CDH12: variants seen among roughly 807,000 people sequenced by gnomAD.
The protein encoded by CDH12 is cadherin 12.
In CDH12, 41 loss-of-function variants were observed where a neutral mutation model predicts 74.1. That is an observed-to-expected ratio of 0.55 (90% confidence interval 0.43 to 0.72). The LOEUF is 0.72. Among genes scored for constraint, CDH12 ranks in the 30% least tolerant of loss-of-function variants. CDH12 has a pLI of 0.00. For synonymous variants in CDH12, 399 were observed against 355.0 expected, an observed-to-expected ratio of 1.12 and a Z score of -1.39; for missense variants, 945 against 977.2, an observed-to-expected ratio of 0.97 and a Z score of 0.44.
At chr5:22,655,312 C>A (rs541153532) in intron 1 of CDH12, among the ~76,000 whole-genome samples, 2 of 152,194 alleles carry the variant, frequency 1.3e-5, no homozygotes, top group Non-Finnish European at 2.9e-5. Flanking sequence ...TATGATCATT[C>A]TAAAAGGCAA....
intron 5 of CDH12, among the ~76,000 whole-genome samples, chr5:22,078,173 C>T (rs112133146): frequency 0.011 from 1,645 of 152,164 alleles, 31 homozygotes; most frequent in African/African-American, 0.038. Context: ...CATACTTTAA[C>T]TTCATGTCTT....
chr5:22,320,568 T>C (rs1280330027), intron 3 of CDH12, among the ~76,000 whole-genome samples: 2 of 152,156 alleles, frequency 1.3e-5, no homozygotes, highest in Non-Finnish European at 2.9e-5. Flanking sequence ...GGAATACAAA[T>C]AAACAAGTGA....
rs577228841 is a variant in CDH12, at chr5:22,008,166, C to T, written c.232-32781G>A. On this transcript the variant is annotated intron_variant, in intron 5 of 14. Coordinates refer to ENST00000382254, the MANE Select transcript of CDH12 (RefSeq NM_004061.5). ...GTTGTGAAATGATATTCCCTGCTTT[C>T]GGAATTATGAGGAGGAGATGAGTTA... is the stretch of plus-strand genomic sequence containing the variant. Among the ~76,000 whole-genome samples the T allele has an allele frequency of 6.6e-5, 10 of 152,034 alleles. No homozygotes were observed. In the South Asian group the frequency reaches 1.7e-3, roughly 25 times the overall value.
chr5:22,180,536 G>A (rs549471333), intron 4 of CDH12, among the ~76,000 whole-genome samples: 4 of 149,826 alleles, frequency 2.7e-5, no homozygotes, highest in South Asian at 2.1e-4. Flanking sequence ...TTTTTGAGAC[G>A]GAGTTTCACT....
At chr5:22,595,178 T>C (rs935146319) in intron 1 of CDH12, among the ~76,000 whole-genome samples, 1 of 152,198 alleles carries the variant, frequency 6.6e-6, no homozygotes, top group Non-Finnish European at 1.5e-5. Flanking sequence ...CACTATATTT[T>C]ATATGGTGTT....
Position 22,330,510 on chromosome 5 carries a change from T to TG in CDH12, c.-333+74746dup, listed in dbSNP as rs539431223. Among the ~76,000 whole-genome samples, 25 of 152,158 alleles carry TG rather than the reference T, an allele frequency of 1.6e-4. No individual in the cohort carries two copies. The South Asian group carries it at 5.0e-3, about 30-fold the overall frequency. ...GCTCACACTTGTAATCCCAGCACTT[T>TG]GGGAGGTCGAGGTGAGTGGATCACG... On this transcript the variant is annotated intron_variant, in intron 3 of 14. Coordinates refer to ENST00000382254, the MANE Select transcript of CDH12 (RefSeq NM_004061.5).
At chr5:22,240,560 A>C (rs1752710956) in intron 3 of CDH12, among the ~76,000 whole-genome samples, 1 of 152,160 alleles carries the variant, frequency 6.6e-6, no homozygotes, top group Non-Finnish European at 1.5e-5. Context: ...TAGAGACAGA[A>C]TCTCGTTCCT....
chr5:21,825,741 C>T (rs1260762561), intron 8 of CDH12, among the ~76,000 whole-genome samples: 1 of 152,184 alleles, frequency 6.6e-6, no homozygotes, highest in Non-Finnish European at 1.5e-5. Context: ...CAGTGTTCAA[C>T]ACTCTTGGCT....
intron 1 of CDH12, among the ~76,000 whole-genome samples, chr5:22,676,178 C>A (rs1741179808): frequency 6.6e-6 from 1 of 151,692 alleles, no homozygotes; most frequent in Admixed American, 6.6e-5. Flanking sequence ...AGTAAGCATG[C>A]AATTTTCTAA....
At chr5:22,703,991 T>C (rs73742177) in intron 1 of CDH12, among the ~76,000 whole-genome samples, 2,559 of 152,276 alleles carry the variant, frequency 0.017, 45 homozygotes, top group Middle Eastern at 0.054. Context: ...CTTTCTTTGA[T>C]AACTGTCCAC....
rs1159604245 is a variant in CDH12 at position 21,841,045 on chromosome 5, G to C, written c.814+1116C>G. ...ACTAAAGAGCTTCTGCACAGCAAAA[G>C]AAACTACCATCAGAGTGAACAGGCA... is the stretch of plus-strand genomic sequence containing the variant. On this transcript the variant is annotated intron_variant, in intron 8 of 14. Coordinates refer to ENST00000382254, the MANE Select transcript of CDH12 (RefSeq NM_004061.5). Among the ~76,000 whole-genome samples the C allele has an allele frequency of 2.0e-5, 3 of 151,998 alleles. No individual in the cohort carries two copies. In the East Asian group the frequency reaches 5.8e-4, roughly 29 times the overall value.
chr5:22,755,996 C>T (rs1290932850), intron 1 of CDH12, among the ~76,000 whole-genome samples: 2 of 150,558 alleles, frequency 1.3e-5, no homozygotes, highest in Admixed American at 1.3e-4. Flanking sequence ...ACTAAACCAT[C>T]CTTAAAACTC....
chr5:22,342,631 TTTCTTTCTCTTTCTTATTTTTC>T, intron 3 of CDH12, among the ~76,000 whole-genome samples: 1 of 45,520 alleles, frequency 2.2e-5, no homozygotes, highest in African/African-American at 8.7e-5. Context: ...TCCTTTTCTA[TTTCTTTCTCTTTCTTATTTTTC>T]TTTCTTTCTC....
chr5:22,399,744 T>C (rs1426977553), intron 3 of CDH12, among the ~76,000 whole-genome samples: 1 of 151,746 alleles, frequency 6.6e-6, no homozygotes, highest in Non-Finnish European at 1.5e-5. Flanking sequence ...TTTTTCTAAA[T>C]GCAGGTTTTG....
chr5:22,568,242 GAGAACTT>G (rs1239729850), intron 1 of CDH12, among the ~76,000 whole-genome samples: 1 of 152,124 alleles, frequency 6.6e-6, no homozygotes, highest in African/African-American at 2.4e-5. Flanking sequence ...AAGATGCAAT[GAGAACTT>G]ACTGTATTTA....
intron 1 of CDH12, among the ~76,000 whole-genome samples, chr5:22,801,767 G>A (rs1748541805): frequency 6.8e-6 from 1 of 148,072 alleles, no homozygotes; most frequent in Non-Finnish European, 1.5e-5. Flanking sequence ...AACACTAATG[G>A]CAACTTTGTT....
chr5:22,314,503 T>A (rs1460927876), intron 3 of CDH12, among the ~76,000 whole-genome samples: 4 of 152,184 alleles, frequency 2.6e-5, no homozygotes, highest in Non-Finnish European at 5.9e-5. Flanking sequence ...AAACTGAACC[T>A]GCTGCCGTCT....
At chr5:22,091,044 G>C (rs573488828) in intron 4 of CDH12, among the ~76,000 whole-genome samples, 66 of 151,806 alleles carry the variant, frequency 4.3e-4, no homozygotes, top group African/African-American at 1.6e-3. Context: ...CACTCTCCTC[G>C]TGTCTTTACG....
rs140002364 is a variant in CDH12, at chr5:22,189,157, C to T, written c.-187+23341G>A. 1.7e-3 allele frequency among the ~76,000 whole-genome samples: 258 copies of T among 152,252 alleles called. 1 individual carries two copies. Among genetic ancestry groups the T allele is most frequent in the Non-Finnish European group, 2.9e-3 (199 of 68,024 alleles). ...TTTCCAACTTCAGTAAACTTAAACA[C>T]TCTTCCATTTGTCTGTTTCAAAATG... On this transcript the variant is annotated intron_variant, in intron 4 of 14. Transcript: ENST00000382254.
Sources: gnomAD v4.1 joint callset for allele counts (sites outside exome capture counted in the v4.1 genomes callset) on GRCh38, gnomAD v4.1.1 for gene constraint, MANE v1.5 for transcripts, NCBI Gene and HGNC (gene_info 2026-07-23, HGNC 2026-07-21) for gene names.